NEDD4L: variants seen among roughly 807,000 people sequenced by gnomAD.
The protein encoded by NEDD4L is NEDD4 like E3 ubiquitin protein ligase.
Under a neutral mutation model 148.9 loss-of-function variants are expected in NEDD4L, and 54 were observed. That is an observed-to-expected ratio of 0.36 (90% CI 0.29 to 0.45). The LOEUF is 0.45. NEDD4L is among the 20% of genes least tolerant of loss of function. The probability of loss-of-function intolerance (pLI) is 1.00; values close to 1 mark genes in which losing one functional copy is unlikely to be tolerated. For missense variants in NEDD4L, 856 were observed against 1,233.8 expected (o/e 0.69, Z 4.59); for synonymous variants, 433 against 440.7 (o/e 0.98, Z 0.22).
At chr18:58,147,155 G>T (rs1034537007) in intron 1 of NEDD4L, among the ~76,000 whole-genome samples, 1 of 152,176 alleles carries the variant, frequency 6.6e-6, no homozygotes, top group African/African-American at 2.4e-5. Context: ...TTTTTATTTT[G>T]AAACTAAAAT....
At chr18:58,226,445 C>T (rs2044364389) in intron 2 of NEDD4L, among the ~76,000 whole-genome samples, 2 of 152,174 alleles carry the variant, frequency 1.3e-5, no homozygotes, top group South Asian at 2.1e-4. Flanking sequence ...TATAGTAATC[C>T]ATCAAACCAG....
chr18:58,341,574 A>G, intron 14 of NEDD4L, 104 bp from the exon 15 acceptor site: 1 of 1,248,838 alleles, frequency 8.0e-7, no homozygotes, highest in Non-Finnish European at 1.1e-6. Flanking sequence ...AATAGGCCAG[A>G]CCTCTTATTA....
chr18:58,141,000 C>G (rs1201810160), intron 1 of NEDD4L, among the ~76,000 whole-genome samples: 1 of 152,136 alleles, frequency 6.6e-6, no homozygotes, highest in Non-Finnish European at 1.5e-5. Context: ...GGTTTGAGAC[C>G]CAGCTCTCCA....
At chr18:58,129,293 C>T (rs1209096962) in intron 1 of NEDD4L, among the ~76,000 whole-genome samples, 6 of 152,182 alleles carry the variant, frequency 3.9e-5, no homozygotes, top group African/African-American at 4.8e-5. Context: ...AAAAACACAA[C>T]GGTGGATTCA....
intron 28 of NEDD4L, chr18:58,390,298 T>A: frequency 5.8e-6 from 1 of 171,720 alleles, no homozygotes; most frequent in East Asian, 1.5e-4. Context: ...GGCTTCCCCT[T>A]GTGATGACAA....
chr18:58,161,020 C>CTT (rs150307263), intron 1 of NEDD4L, among the ~76,000 whole-genome samples: 1 of 149,598 alleles, frequency 6.7e-6, no homozygotes, highest in East Asian at 1.9e-4. Flanking sequence ...TTCTTTCTTT[C>CTT]TTTTTTTTTT....
intron 5 of NEDD4L, among the ~76,000 whole-genome samples, chr18:58,306,401 G>T (rs2057066858): frequency 6.6e-6 from 1 of 152,128 alleles, no homozygotes; most frequent in Non-Finnish European, 1.5e-5. Context: ...GATGAGGAAG[G>T]AAGGGCACAT....
intron 5 of NEDD4L, among the ~76,000 whole-genome samples, chr18:58,285,538 T>C (rs2053772947): frequency 6.6e-6 from 1 of 152,136 alleles, no homozygotes; most frequent in African/African-American, 2.4e-5. Context: ...TCATTAGCTA[T>C]ACAAAGGTGG....
chr18:58,094,923 G>A (rs1355431035), intron 1 of NEDD4L, among the ~76,000 whole-genome samples: 5 of 145,834 alleles, frequency 3.4e-5, no homozygotes, highest in Non-Finnish European at 7.6e-5. Flanking sequence ...AAAAAAGAAG[G>A]GATTTCCCTG....
At chr18:58,313,901 C>T (rs1323212920) in intron 5 of NEDD4L, among the ~76,000 whole-genome samples, 1 of 152,228 alleles carries the variant, frequency 6.6e-6, no homozygotes, top group African/African-American at 2.4e-5. Flanking sequence ...TCATGGGCAG[C>T]CTTTCAAAGC....
rs1337110544 is a variant in NEDD4L, at chr18:58,366,315, G to A, written c.2063+87G>A. The stretch of plus-strand genomic sequence containing the variant: ...GAATGAAAGGATAAGCAGCTCATGA[G>A]TTCGAGATGCATTAACTCTGCTGAG... On this transcript the variant is annotated intron_variant, in intron 21 of 30. Transcript: ENST00000400345. The surrounding 1 kb of genome is among the most constrained non-coding windows in gnomAD (Gnocchi z 4.2). 5 of 934,596 alleles carry A rather than the reference G, an allele frequency of 5.3e-6. No homozygotes were observed. The highest frequency in any genetic ancestry group is 6.3e-6 in the Non-Finnish European group (4 of 634,834). 57.9% of individuals were successfully genotyped at this position (934,596 alleles called of 1,614,324 possible). A position where few individuals can be genotyped will look rare whatever the true frequency, so the allele number is the denominator to read the frequency against.
intron 2 of NEDD4L, among the ~76,000 whole-genome samples, chr18:58,174,243 A>G (rs1003481111): frequency 1.3e-5 from 2 of 152,108 alleles, no homozygotes; most frequent in African/African-American, 2.4e-5. Flanking sequence ...TTATGGGCTC[A>G]GAATAGGGGA....
At chr18:58,271,121 A>G (rs1273714584) in intron 5 of NEDD4L, among the ~76,000 whole-genome samples, 2 of 152,170 alleles carry the variant, frequency 1.3e-5, no homozygotes, top group Non-Finnish European at 2.9e-5. Flanking sequence ...TGAAAGAGAA[A>G]ATCTTAATTC....
intron 15 of NEDD4L, 27 bp downstream of exon 15, chr18:58,341,824 A>C (rs746819201): frequency 6.2e-7 from 1 of 1,604,052 alleles, no homozygotes; most frequent in Non-Finnish European, 8.5e-7. Flanking sequence ...ATCTAACTGG[A>C]CTCACTCTGT....
intron 10 of NEDD4L, among the ~76,000 whole-genome samples, chr18:58,330,355 T>C (rs2059689552): frequency 6.6e-6 from 1 of 152,142 alleles, no homozygotes; most frequent in Non-Finnish European, 1.5e-5. Context: ...TCCAGAGAAG[T>C]GTGTGTGTGT....
chr18:58,317,444 C>T (rs1043842794), intron 6 of NEDD4L, among the ~76,000 whole-genome samples: 1 of 152,206 alleles, frequency 6.6e-6, no homozygotes, highest in Non-Finnish European at 1.5e-5. Flanking sequence ...CTTTTATGGA[C>T]GTCTCCAGCC....
chr18:58,305,579 G>T (rs1371961064), intron 5 of NEDD4L, among the ~76,000 whole-genome samples: 2 of 152,222 alleles, frequency 1.3e-5, no homozygotes, highest in African/African-American at 4.8e-5. Flanking sequence ...CTGTTTCTCA[G>T]TGTGTCTTCA....
intron 1 of NEDD4L, among the ~76,000 whole-genome samples, chr18:58,089,225 C>T (rs111570420): frequency 0.087 from 12,980 of 148,814 alleles, 669 homozygotes; most frequent in Admixed American, 0.16. Context: ...CCTTTGCCTC[C>T]TGGGTTCAAG....
At chr18:58,281,700 G>T (rs772460944) in intron 5 of NEDD4L, among the ~76,000 whole-genome samples, 2 of 151,458 alleles carry the variant, frequency 1.3e-5, no homozygotes, top group Admixed American at 6.6e-5. Context: ...TTCTTAATGC[G>T]TTACAATTGG....
Sources: gnomAD v4.1 joint callset for allele counts (sites outside exome capture counted in the v4.1 genomes callset) on GRCh38, gnomAD v4.1.1 for gene constraint, Gnocchi (gnomAD v3.1) non-coding constraint, MANE v1.5 for transcripts, NCBI Gene and HGNC (gene_info 2026-07-23, HGNC 2026-07-21) for gene names.